NOX4: variants seen among roughly 807,000 people sequenced by gnomAD.
The protein encoded by NOX4 is kidney oxidase-1.
Under a neutral mutation model 87.6 loss-of-function variants are expected in NOX4, and 69 were observed. That is an observed-to-expected ratio of 0.79 (90% confidence interval 0.65 to 0.96). The LOEUF (loss-of-function observed/expected upper bound fraction) is 0.96, where lower values mean the gene tolerates loss of function less well. Ranked by LOEUF, NOX4 falls within the 40% of genes least tolerant of loss-of-function variation. The pLI is 0.00. For synonymous variants in NOX4, 275 were observed against 238.2 expected (o/e 1.15, Z -1.42); for missense variants, 680 against 681.5 (o/e 1.00, Z 0.02).
At chr11:89,404,098 G>C (rs1942033088) in intron 8 of NOX4, among the ~76,000 whole-genome samples, 1 of 151,998 alleles carries the variant, frequency 6.6e-6, no homozygotes, top group Admixed American at 6.6e-5. Context: ...GAGATAAATT[G>C]ATAAATATTA....
intron 16 of NOX4, among the ~76,000 whole-genome samples, chr11:89,336,245 C>T (rs1193061974): frequency 6.6e-6 from 1 of 151,928 alleles, no homozygotes; most frequent in East Asian, 1.9e-4. Context: ...AACTAATCTC[C>T]TTGAATGCCA....
intron 13 of NOX4, among the ~76,000 whole-genome samples, chr11:89,348,289 C>G (rs534402315): frequency 6.6e-6 from 1 of 152,094 alleles, no homozygotes; most frequent in East Asian, 1.9e-4. Context: ...GTAGCACATG[C>G]CTGTAAGCCC....
At chr11:89,444,356 T>C (rs1188954891) in intron 4 of NOX4, 124 bp from the exon 5 acceptor site, 1 of 725,922 alleles carries the variant, frequency 1.4e-6, no homozygotes, top group African/African-American at 1.8e-5. Context: ...GACAATGAAA[T>C]ATTACATTGA....
the NOX4 span, among the ~76,000 whole-genome samples, chr11:89,547,784 T>C: frequency 6.6e-6 from 1 of 152,066 alleles, no homozygotes; most frequent in East Asian, 1.9e-4. Context: ...GTTTAAAGCT[T>C]TTCAGGTAAT....
rs12798436 is a variant in NOX4 at position 89,335,993 on chromosome 11, C to G, written c.1516-48G>C. ...TTATTCGATATTTAGTTAAGTAAAC[C>G]AGTTCTCTAACATCATTTCTGCTGG... On this transcript the variant is annotated intron_variant, in intron 16 of 17. Transcript: ENST00000263317. 4.3e-6 allele frequency: 5 copies of G among 1,169,772 alleles called. No homozygotes were observed. The East Asian group carries it at 1.3e-4, about 30-fold the overall frequency. 72.5% of individuals were successfully genotyped at this position (1,169,772 alleles called of 1,614,324 possible).
the NOX4 span, among the ~76,000 whole-genome samples, chr11:89,532,388 T>C: frequency 1.3e-5 from 2 of 152,158 alleles, no homozygotes; most frequent in African/African-American, 4.8e-5. Context: ...GGAGACTATT[T>C]TGGAGCTTTA....
chr11:89,402,294 T>A, intron 9 of NOX4, 32 bp downstream of exon 9: 2 of 1,524,880 alleles, frequency 1.3e-6, no homozygotes, highest in Non-Finnish European at 1.8e-6. Context: ...GGAAACAAAC[T>A]TTGTGGAGAT....
chr11:89,437,935 G>A (rs1409476363), intron 6 of NOX4, among the ~76,000 whole-genome samples: 1 of 151,842 alleles, frequency 6.6e-6, no homozygotes, highest in Non-Finnish European at 1.5e-5. Context: ...ACAAAAGGCA[G>A]GCAGTAGCGA....
intron 3 of NOX4, among the ~76,000 whole-genome samples, chr11:89,450,007 T>G (rs1944885523): frequency 6.6e-6 from 1 of 152,192 alleles, no homozygotes; most frequent in Non-Finnish European, 1.5e-5. Context: ...ATCTCATCTA[T>G]AGTTTGAAAT....
chr11:89,413,363 A>C (rs576478733), intron 8 of NOX4, among the ~76,000 whole-genome samples: 1 of 152,326 alleles, frequency 6.6e-6, no homozygotes, highest in South Asian at 2.1e-4. Context: ...AGTATATTGA[A>C]GAGATACCTG....
In NOX4 at chr11:89,357,577, C is replaced by T. The variant is rs184119453; in HGVS notation, c.1136-2534G>A. ...AATTTTTTTCCCACTTAGCCTTTTCCTAAAATGAGTCTTGAAAAATCAAGC... is the reference window on the plus strand; with the variant it reads ...AATTTTTTTCCCACTTAGCCTTTTCTTAAAATGAGTCTTGAAAAATCAAGC... On this transcript the variant is annotated intron_variant, in intron 12 of 17. Coordinates refer to ENST00000263317, the MANE Select transcript of NOX4 (RefSeq NM_016931.5). 2.5e-3 allele frequency among the ~76,000 whole-genome samples: 385 copies of T among 152,050 alleles called. 1 individual carries two copies. Among genetic ancestry groups the T allele is most frequent in the Admixed American group, 4.2e-3 (64 of 15,238 alleles).
intron 11 of NOX4, among the ~76,000 whole-genome samples, chr11:89,397,028 C>T (rs1329722476): frequency 6.6e-6 from 1 of 152,118 alleles, no homozygotes; most frequent in African/African-American, 2.4e-5. Flanking sequence ...CTTCTCAGCA[C>T]CACATTACAC....
upstream of NOX4, among the ~76,000 whole-genome samples, chr11:89,494,175 C>T (rs1275376802): frequency 1.3e-5 from 2 of 152,174 alleles, no homozygotes; most frequent in Non-Finnish European, 2.9e-5. Context: ...AGAAAATTCA[C>T]ACTTTCTCCA....
At chr11:89,441,820 T>A (rs1184394628) in intron 5 of NOX4, among the ~76,000 whole-genome samples, 1 of 151,778 alleles carries the variant, frequency 6.6e-6, no homozygotes, top group Non-Finnish European at 1.5e-5. Context: ...ATCAAGGAAG[T>A]GCAGCAGTCA....
At chr11:89,421,802 G>T in intron 8 of NOX4, 100 bp downstream of exon 8, 1 of 634,664 alleles carries the variant, frequency 1.6e-6, no homozygotes, top group Non-Finnish European at 2.8e-6. Flanking sequence ...TTTCACTCTT[G>T]ACACTTTTAC....
intron 8 of NOX4, among the ~76,000 whole-genome samples, chr11:89,407,653 G>T (rs183234119): frequency 6.6e-6 from 1 of 151,590 alleles, no homozygotes; most frequent in Non-Finnish European, 1.5e-5. Flanking sequence ...TGTTTGTTTT[G>T]CTTTCTGTTT....
At position 89,433,860 on chromosome 11, in the gene NOX4, T is replaced by G. The variant is rs111792432; in HGVS notation, c.476-1004A>C. Among the ~76,000 whole-genome samples the G allele has an allele frequency of 9.5e-3, 1,440 of 152,124 alleles. 20 individuals carry two copies. Among genetic ancestry groups the G allele is most frequent in the African/African-American group, 0.033 (1,389 of 41,522 alleles). On this transcript the variant is annotated intron_variant, in intron 6 of 17. Coordinates refer to ENST00000263317, the MANE Select transcript of NOX4 (RefSeq NM_016931.5). ...GCACATATAGCATGTCCAAAATGAA[T>G]AGCTAACTGAAAAACAATATCCTAA...
chr11:89,379,207 G>A lies in NOX4; in HGVS notation c.1075-5715C>T, dbSNP rs1438562737. ...ACACATTTTTGAAAAGTGACAAGTG[G>A]ATGAGGTAGCCATTTAGGAACTGAC... On this transcript the variant is annotated intron_variant, in intron 11 of 17. Coordinates refer to ENST00000263317, the MANE Select transcript of NOX4 (RefSeq NM_016931.5). 5.3e-5 allele frequency among the ~76,000 whole-genome samples: 8 copies of A among 152,198 alleles called. No individual in the cohort carries two copies. The East Asian group carries it at 1.4e-3, about 26-fold the overall frequency.
At chr11:89,556,874 T>C in the NOX4 span, 12 of 152,032 alleles carry the variant, frequency 7.9e-5, no homozygotes, top group Non-Finnish European at 1.3e-4. Flanking sequence ...CATTATGAGA[T>C]GGGGTGGAGG....
Sources: allele counts gnomAD v4.1 joint callset (sites outside exome capture counted in the v4.1 genomes callset), GRCh38; gene constraint gnomAD v4.1.1; transcripts MANE v1.5; gene names NCBI Gene and HGNC (gene_info 2026-07-23, HGNC 2026-07-21).